MICU1: variants seen among roughly 807,000 people sequenced by gnomAD.
MICU1 encodes the protein mitochondrial calcium uptake 1, also known as calcium uptake protein 1, mitochondrial.
Under a neutral mutation model 56.8 loss-of-function variants are expected in MICU1, and 45 were observed. The observed-to-expected ratio is 0.79, with a 90% CI of 0.62 to 1.02. The LOEUF (loss-of-function observed/expected upper bound fraction) is 1.02. MICU1 is among the 50% of genes least tolerant of loss of function. The pLI is 0.00. For missense variants in MICU1, 504 were observed against 587.1 expected, an observed-to-expected ratio of 0.86 and a Z score of 1.46; for synonymous variants, 186 against 195.1, an observed-to-expected ratio of 0.95 and a Z score of 0.39.
chr10:72,496,341 G>C (rs1459346695), intron 6 of MICU1, among the ~76,000 whole-genome samples: 2 of 140,996 alleles, frequency 1.4e-5, no homozygotes, highest in African/African-American at 2.7e-5. Flanking sequence ...TTGTTCTGAC[G>C]CCCAGGCTGG....
intron 5 of MICU1, chr10:72,509,332 G>A (rs1867364217): frequency 1.6e-6 from 2 of 1,273,102 alleles, no homozygotes; most frequent in Non-Finnish European, 1.0e-6. Context: ...AGAGGAGTAT[G>A]ATGAAAACTA....
At chr10:72,524,679 T>C in intron 5 of MICU1, 1 of 1,198,138 alleles carries the variant, frequency 8.3e-7, no homozygotes, top group Non-Finnish European at 1.0e-6. Context: ...TCCTGAAGCA[T>C]TACTATGGAT....
intron 1 of MICU1, among the ~76,000 whole-genome samples, chr10:72,616,768 TC>T (rs1841993532): frequency 6.6e-6 from 1 of 152,180 alleles, no homozygotes; most frequent in Admixed American, 6.6e-5. Flanking sequence ...ACTGATCAGT[TC>T]TCAGCAGAAT....
chr10:72,529,644 G>T (rs996864382), intron 5 of MICU1, among the ~76,000 whole-genome samples: 1 of 151,514 alleles, frequency 6.6e-6, no homozygotes, highest in Non-Finnish European at 1.5e-5. Context: ...GTTTGCTGAA[G>T]GAAAAAAGGG....
chr10:72,447,815 C>T (rs569651250), intron 8 of MICU1, among the ~76,000 whole-genome samples: 6 of 152,124 alleles, frequency 3.9e-5, no homozygotes, highest in East Asian at 1.9e-4. Flanking sequence ...TATATTAGAA[C>T]GATAAAACAG....
intron 11 of MICU1, among the ~76,000 whole-genome samples, chr10:72,371,458 C>T (rs908105492): frequency 4.1e-5 from 6 of 144,630 alleles, no homozygotes; most frequent in Non-Finnish European, 7.6e-5. Context: ...GAATGTAGGC[C>T]GAGGCCAGGC....
At chr10:72,463,182 G>C (rs1378018373) in intron 8 of MICU1, among the ~76,000 whole-genome samples, 1 of 151,984 alleles carries the variant, frequency 6.6e-6, no homozygotes, top group Non-Finnish European at 1.5e-5. Context: ...TCCTGCCTCA[G>C]CCTCCCGAGT....
chr10:72,443,471 C>T (rs1865006440), intron 8 of MICU1, among the ~76,000 whole-genome samples: 1 of 152,162 alleles, frequency 6.6e-6, no homozygotes, highest in Non-Finnish European at 1.5e-5. Context: ...ATGGTAATGC[C>T]TAGGTTTTCT....
intron 10 of MICU1, among the ~76,000 whole-genome samples, chr10:72,401,034 T>C (rs111290637): frequency 0.071 from 10,863 of 152,110 alleles, 1,329 homozygotes; most frequent in African/African-American, 0.25. Flanking sequence ...ACTCCTGGGC[T>C]CAAGAGATCC....
At chr10:72,598,241 T>C (rs1304997520) in intron 1 of MICU1, among the ~76,000 whole-genome samples, 1 of 152,018 alleles carries the variant, frequency 6.6e-6, no homozygotes, top group African/African-American at 2.4e-5. Flanking sequence ...CTACTTAAAC[T>C]TCATCTTTCA....
chr10:72,507,809 G>A (rs139675006), intron 6 of MICU1, among the ~76,000 whole-genome samples: 1 of 152,098 alleles, frequency 6.6e-6, no homozygotes, highest in African/African-American at 2.4e-5. Flanking sequence ...GTAGAGATGG[G>A]GTTTCACCAT....
rs566868706 is a variant in MICU1, at chr10:72,580,893, T to G, written c.-1-14099A>C. ...AACAGCAACAAGGTTCTCAAAAATA[T>G]TCCAGAAGTTTCATCTTCACAAATT... is the stretch of plus-strand genomic sequence containing the variant. On this transcript the variant is annotated intron_variant, in intron 1 of 11. Transcript: ENST00000361114. 4.7e-4 allele frequency among the ~76,000 whole-genome samples: 71 copies of G among 152,262 alleles called. 2 individuals carry two copies. The highest frequency in any genetic ancestry group is 8.8e-5 in the Non-Finnish European group (6 of 68,042).
chr10:72,435,188 G>A (rs751745366), intron 8 of MICU1, among the ~76,000 whole-genome samples: 5 of 151,882 alleles, frequency 3.3e-5, no homozygotes, highest in South Asian at 2.1e-4. Context: ...CCAGGAGTTC[G>A]AGAGCAGCCT....
chr10:72,379,674 AGTGGTT>A (rs1309831115), intron 10 of MICU1: 1 of 322,504 alleles, frequency 3.1e-6, no homozygotes, highest in Non-Finnish European at 6.3e-6. Context: ...ATTGGTATTA[AGTGGTT>A]GTAGAATAGG....
intron 10 of MICU1, chr10:72,379,652 G>A: frequency 2.7e-6 from 1 of 370,324 alleles, no homozygotes; most frequent in Non-Finnish European, 5.5e-6. Context: ...TTTCTAATGA[G>A]AGGCTCATTA....
intron 6 of MICU1, among the ~76,000 whole-genome samples, chr10:72,495,966 T>A (rs1052409477): frequency 2.6e-5 from 4 of 151,364 alleles, no homozygotes; most frequent in Admixed American, 2.6e-4. Context: ...AGTCATCATT[T>A]GGAATTTTTT....
chr10:72,539,106 T>A (rs1839705967), intron 4 of MICU1, among the ~76,000 whole-genome samples: 1 of 152,026 alleles, frequency 6.6e-6, no homozygotes, highest in South Asian at 2.1e-4. Flanking sequence ...TATTAATAGA[T>A]CTAAACAGAG....
At chr10:72,432,868 T>C (rs1032136542) in intron 8 of MICU1, among the ~76,000 whole-genome samples, 1 of 152,190 alleles carries the variant, frequency 6.6e-6, no homozygotes, top group Non-Finnish European at 1.5e-5. Flanking sequence ...AGTTTGCCCA[T>C]CTGTTAATTT....
At chr10:72,449,826 T>C (rs1865239591) in intron 8 of MICU1, among the ~76,000 whole-genome samples, 1 of 152,072 alleles carries the variant, frequency 6.6e-6, no homozygotes, top group African/African-American at 2.4e-5. Context: ...CCACATATGT[T>C]TGGGAAGTGG....
Sources: allele counts gnomAD v4.1 joint callset (sites outside exome capture counted in the v4.1 genomes callset), GRCh38; gene constraint gnomAD v4.1.1; transcripts MANE v1.5; gene names NCBI Gene and HGNC (gene_info 2026-07-23, HGNC 2026-07-21).